The following CDH13 variants were observed in gnomAD, a reference collection of about 807,000 sequenced individuals.
CDH13 encodes cadherin 13.
CDH13 carries 24 observed loss-of-function variants against 63.8 expected under a neutral mutation model. The observed-to-expected ratio is 0.38, with a 90% CI of 0.27 to 0.53. The LOEUF (loss-of-function observed/expected upper bound fraction) is 0.53. CDH13 is among the 20% of genes least tolerant of loss of function. CDH13 has a pLI of 0.85. For synonymous variants in CDH13, 503 were observed against 355.3 expected, an observed-to-expected ratio of 1.42 and a Z score of -4.67; for missense variants, 1,049 against 903.1, an observed-to-expected ratio of 1.16 and a Z score of -2.07.
intron 1 of CDH13, among the ~76,000 whole-genome samples, chr16:82,656,861 C>T (rs1180970205): frequency 1.3e-5 from 2 of 150,760 alleles, no homozygotes; most frequent in Non-Finnish European, 2.9e-5. Flanking sequence ...AATTAGCTTC[C>T]TTCACTTGGT....
rs750678697 is a variant in CDH13, at chr16:82,858,365, C to T, written c.49C>T (p.Leu17=). ...LVLCVLLSQV[L]LLTSAEDLDC... is the part of the protein sequence containing the mutation. ...TTGATGGCTTTGGTTTTCTCAGGTG[C>T]TGCTGCTAACATCTGCAGAAGATTT... The change falls in exon 2 of 14, where the codon CTG becomes TTG. Residue 17 remains leucine, a synonymous_variant. Coordinates refer to ENST00000567109, the MANE Select transcript of CDH13 (RefSeq NM_001257.5). 5.1e-5 allele frequency: 82 copies of T among 1,607,330 alleles called. 1 individual carries two copies. The South Asian group carries it at 8.6e-4, about 17-fold the overall frequency.
chr16:83,439,038 G>T (rs1279258766), intron 6 of CDH13, among the ~76,000 whole-genome samples: 1 of 152,182 alleles, frequency 6.6e-6, no homozygotes, highest in Non-Finnish European at 1.5e-5. Context: ...GAGAAAATAT[G>T]CAAGATTTGA....
chr16:82,631,781 G>A (rs558477654), intron 1 of CDH13, among the ~76,000 whole-genome samples: 2 of 152,330 alleles, frequency 1.3e-5, no homozygotes, highest in Admixed American at 6.5e-5. Context: ...TTGGGGGAAG[G>A]CAGGAGAGGA....
chr16:82,840,105 G>A (rs573692754), intron 1 of CDH13, among the ~76,000 whole-genome samples: 9 of 152,230 alleles, frequency 5.9e-5, no homozygotes, highest in African/African-American at 2.2e-4. Context: ...TTGATGAGGA[G>A]AAGAGACCAC....
intron 1 of CDH13, among the ~76,000 whole-genome samples, chr16:82,784,489 C>G (rs1372813480): frequency 6.6e-6 from 1 of 152,136 alleles, no homozygotes; most frequent in Admixed American, 6.5e-5. Context: ...TTATCCTTGT[C>G]ATTTATTGAG....
chr16:83,177,901 A>G (rs1208146295), intron 4 of CDH13, among the ~76,000 whole-genome samples: 1 of 152,194 alleles, frequency 6.6e-6, no homozygotes, highest in Non-Finnish European at 1.5e-5. Context: ...CCAGAGCAAG[A>G]CTGTTTATCT....
chr16:83,025,893 G>C (rs1478849558), intron 2 of CDH13, among the ~76,000 whole-genome samples: 1 of 152,112 alleles, frequency 6.6e-6, no homozygotes, highest in Non-Finnish European at 1.5e-5. Context: ...GCTTTTAAGA[G>C]ATACTAGTGC....
intron 1 of CDH13, among the ~76,000 whole-genome samples, chr16:82,695,060 G>A (rs1420035745): frequency 3.9e-5 from 6 of 152,122 alleles, no homozygotes; most frequent in South Asian, 2.1e-4. Flanking sequence ...AGGAGGCAGC[G>A]TGGGCAAAGT....
At chr16:82,974,637 G>A (rs1173422303) in intron 2 of CDH13, among the ~76,000 whole-genome samples, 2 of 152,094 alleles carry the variant, frequency 1.3e-5, no homozygotes, top group African/African-American at 2.4e-5. Flanking sequence ...ATGTAAGTGG[G>A]CCCAGTATAA....
At chr16:83,627,127 C>CAAAA (rs11407282) in intron 8 of CDH13, among the ~76,000 whole-genome samples, 1 of 145,560 alleles carries the variant, frequency 6.9e-6, no homozygotes, top group Non-Finnish European at 1.5e-5. Flanking sequence ...CACTAAAATA[C>CAAAA]AAAAAAAAAA....
chr16:83,679,872 C>T (rs1915264128), intron 10 of CDH13, among the ~76,000 whole-genome samples: 1 of 152,278 alleles, frequency 6.6e-6, no homozygotes, highest in South Asian at 2.1e-4. Context: ...TGTGTCTCTG[C>T]CATTGCTGGG....
chr16:83,653,901 T>C (rs1912626518), intron 8 of CDH13, among the ~76,000 whole-genome samples: 1 of 152,056 alleles, frequency 6.6e-6, no homozygotes, highest in Non-Finnish European at 1.5e-5. Flanking sequence ...TAAATATTTG[T>C]GGAATGTACA....
Position 83,670,704 on chromosome 16 carries a change from T to A in CDH13, c.1102-86T>A, listed in dbSNP as rs547722459. The A allele has an allele frequency of 1.2e-5, 13 of 1,085,662 alleles. No homozygotes were observed. In the East Asian group the frequency reaches 2.9e-4, roughly 24 times the overall value. 67.3% of individuals were successfully genotyped at this position (1,085,662 alleles called of 1,614,324 possible). On this transcript the variant is annotated intron_variant, in intron 8 of 13. Transcript: ENST00000567109. ...TATTATTTATTTTTAAGTGAGATGATGTGTGTAACATACCCAATGCAAAGC... is the reference window on the plus strand; with the variant it reads ...TATTATTTATTTTTAAGTGAGATGAAGTGTGTAACATACCCAATGCAAAGC...
chr16:83,235,577 G>A lies in CDH13; in HGVS notation c.636+18080G>A, dbSNP rs551277656. Among the ~76,000 whole-genome samples the A allele has an allele frequency of 6.3e-3, 438 of 69,398 alleles. 1 individual carries two copies. The highest frequency in any genetic ancestry group is 9.3e-3 in the Middle Eastern group (1 of 108). The allele number at this position is 69,398 out of a possible 152,430, so 45.5% of individuals were successfully genotyped here. A position where few individuals can be genotyped will look rare whatever the true frequency, so the allele number is the denominator to read the frequency against. ...CAATGCTCATTTTTTATTCTATGTG[G>A]TGGTGTTTTTTTTTTTTTTTCTCAT... On this transcript the variant is annotated intron_variant, in intron 5 of 13. Coordinates refer to ENST00000567109, the MANE Select transcript of CDH13 (RefSeq NM_001257.5).
chr16:83,084,976 A>G (rs7205991), intron 3 of CDH13, among the ~76,000 whole-genome samples: 72,481 of 152,076 alleles, frequency 0.48, 17,567 homozygotes, highest in East Asian at 0.69. Flanking sequence ...TGGTTCAACT[A>G]TTCAACAGTG....
Position 83,127,054 on chromosome 16 carries a change from A to G in CDH13, c.483+1553A>G, listed in dbSNP as rs549786974. 3.3e-5 allele frequency among the ~76,000 whole-genome samples: 5 copies of G among 152,310 alleles called. No homozygotes were observed. The East Asian group carries it at 7.7e-4, about 24-fold the overall frequency. ...TGAGGGGAGACTGGAAGGGTGAGAAAGGAACAGTTACAGGTATATCTGGTT... is the reference window on the plus strand; with the variant it reads ...TGAGGGGAGACTGGAAGGGTGAGAAGGGAACAGTTACAGGTATATCTGGTT... On this transcript the variant is annotated intron_variant, in intron 4 of 13. Transcript: ENST00000567109.
chr16:83,167,335 A>G (rs1355493334), intron 4 of CDH13, among the ~76,000 whole-genome samples: 3 of 151,838 alleles, frequency 2.0e-5, no homozygotes, highest in Non-Finnish European at 4.4e-5. Flanking sequence ...CGTCTCTACT[A>G]AAAATACAAA....
intron 7 of CDH13, among the ~76,000 whole-genome samples, chr16:83,509,178 G>C (rs1219146648): frequency 6.6e-6 from 1 of 152,222 alleles, no homozygotes; most frequent in East Asian, 1.9e-4. Context: ...AGATGTAAGA[G>C]CTGATGCCCA....
chr16:83,035,345 C>G (rs1436604045), intron 3 of CDH13, among the ~76,000 whole-genome samples: 3 of 152,144 alleles, frequency 2.0e-5, no homozygotes, highest in African/African-American at 7.2e-5. Flanking sequence ...TGGATGATCT[C>G]TGCATTTGGA....
Sources: allele counts gnomAD v4.1 joint callset (sites outside exome capture counted in the v4.1 genomes callset), GRCh38; gene constraint gnomAD v4.1.1; transcripts MANE v1.5; gene names NCBI Gene and HGNC (gene_info 2026-07-23, HGNC 2026-07-21).